ANGPTL1: variants seen among roughly 807,000 people sequenced by gnomAD.
ANGPTL1 encodes angiopoietin-related protein 1.
In ANGPTL1, 36 loss-of-function variants were observed where a neutral mutation model predicts 46.7. The observed-to-expected ratio is 0.77, with a 90% CI of 0.59 to 1.02. ANGPTL1 has a LOEUF of 1.02. ANGPTL1 is among the 50% of genes least tolerant of loss of function. ANGPTL1 has a pLI of 0.00. For synonymous variants in ANGPTL1, 221 were observed against 204.3 expected, an observed-to-expected ratio of 1.08 and a Z score of -0.69; for missense variants, 571 against 594.7, an observed-to-expected ratio of 0.96 and a Z score of 0.41.
chr1:178,858,257 T>C (rs1044921049), intron 3 of ANGPTL1, among the ~76,000 whole-genome samples: 17 of 152,182 alleles, frequency 1.1e-4, no homozygotes, highest in Non-Finnish European at 2.2e-4. Flanking sequence ...TATTTTCTCA[T>C]TATTACTTGA....
chr1:178,856,678 T>C (rs907874631), intron 3 of ANGPTL1, among the ~76,000 whole-genome samples: 2 of 152,046 alleles, frequency 1.3e-5, no homozygotes, highest in Non-Finnish European at 2.9e-5. Context: ...TCGGTAATTG[T>C]TAGTTATTTC....
In ANGPTL1 at chr1:178,850,553, G is replaced by A. The variant is rs896099081; in HGVS notation, c.*576C>T. 6.6e-6 allele frequency: 1 copy of A among 151,870 alleles called. No homozygotes were observed. Among genetic ancestry groups the A allele is most frequent in the African/African-American group, 2.4e-5 (1 of 41,384 alleles). The allele number at this position is 151,870 out of a possible 1,614,324, so 9.4% of individuals were successfully genotyped here. A position where few individuals can be genotyped will look rare whatever the true frequency, so the allele number is the denominator to read the frequency against. On this transcript the variant is annotated 3_prime_UTR_variant, in exon 6 of 6. Transcript: ENST00000234816. ...ATATGTATTTAATACTATGGGTCAT[G>A]TTTTGGGAAAATCAGCATAGGATAT... is the stretch of plus-strand genomic sequence containing the variant.
chr1:178,850,940 A>ATT lies in ANGPTL1; in HGVS notation c.*187_*188dup. On this transcript the variant is annotated 3_prime_UTR_variant, in exon 6 of 6. Transcript: ENST00000234816. ...AATAACTAGGTTGTGGATACACATA[A>ATT]TTTTCTGCAGTAATTGACGACAGAT... The ATT allele has an allele frequency of 2.2e-6, 1 of 459,856 alleles. No individual in the cohort carries two copies. Among genetic ancestry groups the ATT allele is most frequent in the Non-Finnish European group, 3.7e-6 (1 of 271,708 alleles). The allele number at this position is 459,856 out of a possible 1,614,324, so 28.5% of individuals were successfully genotyped here.
intron 3 of ANGPTL1, among the ~76,000 whole-genome samples, chr1:178,860,467 TCAC>T (rs1167988385): frequency 2.0e-5 from 3 of 152,204 alleles, no homozygotes; most frequent in Non-Finnish European, 4.4e-5. Context: ...ATTACTGTCT[TCAC>T]CATTTTTAAA....
intron 3 of ANGPTL1, among the ~76,000 whole-genome samples, chr1:178,863,239 T>A (rs1658155343): frequency 6.6e-6 from 1 of 152,014 alleles, no homozygotes; most frequent in South Asian, 2.1e-4. Flanking sequence ...CAGTGGACTG[T>A]GTATGGGGCA....
chr1:178,860,105 T>C (rs186154394), intron 3 of ANGPTL1, among the ~76,000 whole-genome samples: 1 of 152,232 alleles, frequency 6.6e-6, no homozygotes, highest in Admixed American at 6.5e-5. Flanking sequence ...CTTTTACACA[T>C]GGTGAAGGAA....
intron 3 of ANGPTL1, 62 bp downstream of exon 3, chr1:178,864,892 T>A (rs1658279938): frequency 3.5e-6 from 4 of 1,147,448 alleles, no homozygotes; most frequent in Non-Finnish European, 4.6e-6. Flanking sequence ...ATGAGCATTG[T>A]TTCATAAGGC....
intron 1 of ANGPTL1, among the ~76,000 whole-genome samples, chr1:178,870,106 AAATT>A (rs1658658267): frequency 1.3e-5 from 2 of 152,186 alleles, no homozygotes. Context: ...CATCCAAATT[AAATT>A]ACTATTACAT....
At chr1:178,853,820 CTT>C in intron 3 of ANGPTL1, 33 bp from the exon 4 acceptor site, 1 of 1,493,750 alleles carries the variant, frequency 6.7e-7, no homozygotes, top group East Asian at 2.4e-5. Flanking sequence ...TATCAGCAAA[CTT>C]AATATGAGAA....
At chr1:178,853,568 C>T in intron 4 of ANGPTL1, 26 bp downstream of exon 4, 1 of 1,520,612 alleles carries the variant, frequency 6.6e-7, no homozygotes, top group Non-Finnish European at 8.8e-7. Context: ...TGTTTTACTT[C>T]CCTTAGGTCT....
rs199920441 is a variant in ANGPTL1 at position 178,865,113 on chromosome 1, G to C, written c.664C>G (p.His222Asp). ...SPPLVQVVPQ[H>D]IPNSQQYTPG... ...GTATACTGTTGGCTGTTAGGAATAT[G>C]TTGTGGCACCACCTGGACAAGTGGG... Residue 222 changes from histidine to aspartate, a missense_variant, in exon 3 of 6, where the codon CAT becomes GAT. Transcript: ENST00000234816. The C allele has an allele frequency of 1.4e-4, 216 of 1,578,856 alleles. 5 individuals are homozygous for C. The East Asian group carries it at 2.9e-3, about 21-fold the overall frequency.
At chr1:178,860,662 A>G (rs1429182750) in intron 3 of ANGPTL1, among the ~76,000 whole-genome samples, 1 of 152,198 alleles carries the variant, frequency 6.6e-6, no homozygotes, top group African/African-American at 2.4e-5. Flanking sequence ...TGACCACTCT[A>G]AATACTTCAT....
intron 2 of ANGPTL1, among the ~76,000 whole-genome samples, chr1:178,866,894 C>G (rs1434638039): frequency 2.6e-5 from 4 of 152,120 alleles, no homozygotes; most frequent in Non-Finnish European, 5.9e-5. Context: ...AGAGCCAAGA[C>G]TTTTTCCTTT....
At chr1:178,852,599 C>T in intron 5 of ANGPTL1, 84 bp downstream of exon 5, 1 of 1,439,162 alleles carries the variant, frequency 6.9e-7, no homozygotes, top group Non-Finnish European at 9.4e-7. Flanking sequence ...TTTGAAAAGA[C>T]TTTAGTAGCA....
intron 1 of ANGPTL1, among the ~76,000 whole-genome samples, chr1:178,869,863 A>G (rs1658642048): frequency 6.6e-6 from 1 of 152,048 alleles, no homozygotes; most frequent in Non-Finnish European, 1.5e-5. Context: ...AGTTTTTATA[A>G]TGCATGTAAA....
At chr1:178,862,598 T>G (rs1658107850) in intron 3 of ANGPTL1, among the ~76,000 whole-genome samples, 1 of 55,436 alleles carries the variant, frequency 1.8e-5, no homozygotes, top group Non-Finnish European at 4.2e-5. Context: ...ATTTTTTTTA[T>G]TTATTTATTT....
chr1:178,853,533 T>G, intron 4 of ANGPTL1, 61 bp downstream of exon 4: 1 of 1,307,086 alleles, frequency 7.7e-7, no homozygotes, highest in Non-Finnish European at 1.0e-6. Flanking sequence ...GCATCTTGTT[T>G]CTTGCATTAT....
At chr1:178,853,215 A>G in intron 4 of ANGPTL1, 1 of 985,262 alleles carries the variant, frequency 1.0e-6, no homozygotes, top group African/African-American at 1.7e-5. Context: ...TGCAAATGAG[A>G]ATAAAATTTA....
At chr1:178,852,278 C>G (rs1031576591) in intron 5 of ANGPTL1, among the ~76,000 whole-genome samples, 2 of 152,130 alleles carry the variant, frequency 1.3e-5, no homozygotes, top group African/African-American at 4.8e-5. Flanking sequence ...TTATTCCCAC[C>G]TAACAAATTG....
Sources: allele counts gnomAD v4.1 joint callset (sites outside exome capture counted in the v4.1 genomes callset), GRCh38; gene constraint gnomAD v4.1.1; transcripts MANE v1.5; gene names NCBI Gene and HGNC (gene_info 2026-07-23, HGNC 2026-07-21).